The following SLC16A2 variants were observed in gnomAD, a reference collection of about 807,000 sequenced individuals.
SLC16A2 encodes the protein solute carrier family 16 member 2, also known as monocarboxylate transporter 8.
SLC16A2 carries 3 observed loss-of-function variants against 27.2 expected under a neutral mutation model. The observed-to-expected ratio is 0.11, with a 90% CI of 0.05 to 0.28. The LOEUF (loss-of-function observed/expected upper bound fraction) is 0.28, where lower values mean the gene tolerates loss of function less well. Among genes scored for constraint, SLC16A2 ranks in the 10% least tolerant of loss-of-function variants. The pLI is 1.00. For synonymous variants in SLC16A2, 202 were observed against 187.8 expected (o/e 1.08, Z -0.62); for missense variants, 295 against 458.5 (o/e 0.64, Z 3.26).
chrX:74,421,589 G>C lies in SLC16A2; in HGVS notation c.-49G>C. 8.4e-7 allele frequency: 1 copy of C among 1,193,113 alleles called. No individual in the cohort carries two copies. The highest frequency in any genetic ancestry group is 1.1e-6 in the Non-Finnish European group (1 of 884,905). ...GCTGCAGCAGCAGAAACAAGTACCA[G>C]CCACAAAGCGGCTCCTCTGGCCCAA... On this transcript the variant is annotated 5_prime_UTR_variant, in exon 1 of 6. Transcript: ENST00000587091.
At chrX:74,468,049 C>T (rs1266512983) in intron 1 of SLC16A2, among the ~76,000 whole-genome samples, 1 of 111,786 alleles carries the variant, frequency 8.9e-6, no homozygotes, top group Non-Finnish European at 1.9e-5. Flanking sequence ...CTTCAGGGCT[C>T]AACTCAAAGA....
chrX:74,429,260 G>A (rs1284950262), intron 1 of SLC16A2, among the ~76,000 whole-genome samples: 1 of 111,593 alleles, frequency 9.0e-6, no homozygotes, highest in Admixed American at 9.5e-5. Context: ...TTGAGCACAG[G>A]AGTTTGAGGC....
intron 5 of SLC16A2, among the ~76,000 whole-genome samples, chrX:74,530,071 C>T (rs1019166406): frequency 2.0e-5 from 2 of 101,992 alleles, no homozygotes; most frequent in African/African-American, 7.0e-5. Context: ...CAAGAGAACT[C>T]CAATTTCTTT....
chrX:74,452,079 A>T (rs1928953929), intron 1 of SLC16A2, among the ~76,000 whole-genome samples: 1 of 112,588 alleles, frequency 8.9e-6, no homozygotes, highest in Admixed American at 9.4e-5. Context: ...ACCCCTTTGG[A>T]TCATAGGGAA....
intron 1 of SLC16A2, among the ~76,000 whole-genome samples, chrX:74,501,069 T>G (rs1930023312): frequency 9.3e-6 from 1 of 107,978 alleles, no homozygotes. Flanking sequence ...CAATTACTTT[T>G]GCACCAACCT....
At position 74,529,289 on chromosome X, in the gene SLC16A2, T is replaced by C. The variant is rs1320619530; in HGVS notation, c.1247T>C (p.Val416Ala). The change falls in exon 5 of 6, where the codon GTC (valine) becomes GCC (alanine). Residue 416 changes from valine to alanine, a missense_variant. Around this residue, in one of 3 missense-constraint regions of SLC16A2, gnomAD observed 144 missense variants for 219.8 expected, o/e 0.66. Coordinates refer to ENST00000587091, the MANE Select transcript of SLC16A2 (RefSeq NM_006517.5). ...CGGGACTTCGGGGGCCTTATCGTCG[T>C]CTGTCTTTTCCTGGGCCTTTGCGAT... ...LCRDFGGLIV[V>A]CLFLGLCDGF... The C allele has an allele frequency of 8.3e-7, 1 of 1,211,646 alleles. No homozygotes were observed. The highest frequency in any genetic ancestry group is 3.0e-5 in the East Asian group (1 of 33,842).
At chrX:74,426,188 T>C (rs1928398494) in intron 1 of SLC16A2, among the ~76,000 whole-genome samples, 2 of 111,890 alleles carry the variant, frequency 1.8e-5, no homozygotes, top group African/African-American at 3.3e-5. Context: ...TTTGAGCAAA[T>C]CTGCCAATCT....
chrX:74,438,593 C>A (rs1413549545), intron 1 of SLC16A2, among the ~76,000 whole-genome samples: 1 of 112,479 alleles, frequency 8.9e-6, no homozygotes, highest in Non-Finnish European at 1.9e-5. Flanking sequence ...CGTACACCCA[C>A]ACAAGCAAAT....
At chrX:74,485,541 GATGGGGCGGCCACTCCCAA>G (rs1929700524) in intron 1 of SLC16A2, among the ~76,000 whole-genome samples, 1 of 110,802 alleles carries the variant, frequency 9.0e-6, no homozygotes. Flanking sequence ...CTGCTCCCAA[GATGGGGCGGCCACTCCCAA>G]ATGGCGCGGC....
intron 5 of SLC16A2, among the ~76,000 whole-genome samples, chrX:74,530,713 T>C (rs1930555114): frequency 9.0e-6 from 1 of 111,722 alleles, no homozygotes; most frequent in South Asian, 3.7e-4. Context: ...TTCTGAATAC[T>C]GTTTCTGGGC....
At chrX:74,482,155 A>G in intron 1 of SLC16A2, among the ~76,000 whole-genome samples, 1 of 111,219 alleles carries the variant, frequency 9.0e-6, no homozygotes, top group African/African-American at 3.3e-5. Flanking sequence ...TTTCTGGTAG[A>G]AGTCAGCCAT....
intron 1 of SLC16A2, among the ~76,000 whole-genome samples, chrX:74,503,563 C>T (rs995155072): frequency 1.8e-5 from 2 of 111,422 alleles, no homozygotes; most frequent in African/African-American, 6.5e-5. Context: ...CCACAGGAGC[C>T]TGGAGCATAG....
At chrX:74,503,197 C>G (rs1930068100) in intron 1 of SLC16A2, among the ~76,000 whole-genome samples, 1 of 110,214 alleles carries the variant, frequency 9.1e-6, no homozygotes, top group African/African-American at 3.3e-5. Flanking sequence ...TTTTCAAATC[C>G]CTCTTGTTCT....
intron 1 of SLC16A2, among the ~76,000 whole-genome samples, chrX:74,504,298 T>C (rs991999146): frequency 8.1e-5 from 9 of 111,483 alleles, no homozygotes; most frequent in African/African-American, 2.9e-4. Flanking sequence ...GAGTGGCTAT[T>C]GCCTTCCCTT....
rs1273705549 is a variant in SLC16A2 at position 74,524,774 on chromosome X, G to C, written c.991G>C (p.Ala331Pro). Residue 331 changes from alanine (A) to proline (P), a missense_variant, in exon 3 of 6, where the codon GCT becomes CCT. By Grantham distance (27) the Ala-to-Pro change is conservative (BLOSUM62 -1). Coordinates refer to ENST00000587091, the MANE Select transcript of SLC16A2 (RefSeq NM_006517.5). ...CATCTGGGCCTTCGGAATTGCTGCT[G>C]CTGCCCTTGGCTACTTTGTTCCCTA... ...YRIWAFGIAA[A>P]ALGYFVPYVH... is the part of the protein sequence containing the mutation. 1 of 1,208,640 alleles carries C rather than the reference G, an allele frequency of 8.3e-7. No homozygotes were observed. The highest frequency in any genetic ancestry group is 2.2e-5 in the Admixed American group (1 of 45,680).
chrX:74,476,463 C>T (rs1043681806), intron 1 of SLC16A2, among the ~76,000 whole-genome samples: 1 of 111,605 alleles, frequency 9.0e-6, no homozygotes, highest in East Asian at 2.8e-4. Context: ...ACTGAATACC[C>T]TTTATTTTTT....
chrX:74,453,308 T>C lies in SLC16A2; in HGVS notation c.430+31241T>C, dbSNP rs113738564. ...CCTCAGCCTCCCAAAGTGCTGAGAT[T>C]ACGGGCGTGAGCCAACATGCCTGGC... is the stretch of plus-strand genomic sequence containing the variant. On this transcript the variant is annotated intron_variant, in intron 1 of 5. Coordinates refer to ENST00000587091, the MANE Select transcript of SLC16A2 (RefSeq NM_006517.5). 3.8e-3 allele frequency among the ~76,000 whole-genome samples: 422 copies of C among 111,414 alleles called. 2 individuals are homozygous for C. Among genetic ancestry groups the C allele is most frequent in the Non-Finnish European group, 6.9e-3 (366 of 53,037 alleles).
intron 1 of SLC16A2, among the ~76,000 whole-genome samples, chrX:74,506,969 G>A (rs1930145912): frequency 1.0e-5 from 1 of 100,288 alleles, no homozygotes; most frequent in African/African-American, 4.0e-5. Context: ...GTCTCGCTTT[G>A]TCACCCAGGC....
At chrX:74,509,459 T>C (rs1006006534) in intron 1 of SLC16A2, among the ~76,000 whole-genome samples, 1 of 112,252 alleles carries the variant, frequency 8.9e-6, no homozygotes, top group African/African-American at 3.2e-5. Flanking sequence ...TGATTATATA[T>C]ACATTTTTAA....
Sources: gnomAD v4.1 joint callset for allele counts (sites outside exome capture counted in the v4.1 genomes callset) on GRCh38, gnomAD v4.1.1 for gene constraint, gnomAD v4.1.1 regional missense constraint, MANE v1.5 for transcripts, NCBI Gene and HGNC (gene_info 2026-07-23, HGNC 2026-07-21) for gene names.